The following TCF12 variants were observed in gnomAD, a reference collection of about 807,000 sequenced individuals.
The protein encoded by TCF12 is transcription factor 12.
A neutral mutation model predicts 86.0 loss-of-function variants in TCF12; 45 were observed. That is an observed-to-expected ratio of 0.52 (90% CI 0.41 to 0.67). The LOEUF is 0.67. Ranked by LOEUF, TCF12 falls within the 30% of genes least tolerant of loss-of-function variation. The pLI is 0.00. For missense variants in TCF12, 881 were observed against 859.9 expected, an observed-to-expected ratio of 1.02 and a Z score of -0.31; for synonymous variants, 330 against 299.6, an observed-to-expected ratio of 1.10 and a Z score of -1.05.
chr15:57,197,481 A>G (rs1288298589), intron 7 of TCF12, among the ~76,000 whole-genome samples: 2 of 152,156 alleles, frequency 1.3e-5, no homozygotes, highest in African/African-American at 4.8e-5. Flanking sequence ...AGAAATGTTC[A>G]TTCCCTTCCC....
intron 19 of TCF12, among the ~76,000 whole-genome samples, chr15:57,278,835 TTCTC>T (rs1186624702): frequency 6.6e-6 from 1 of 150,746 alleles, no homozygotes; most frequent in Non-Finnish European, 1.5e-5. Context: ...TTCTTTCTCT[TTCTC>T]TCTTTCCTCC....
intron 6 of TCF12, among the ~76,000 whole-genome samples, chr15:57,181,397 C>A (rs932402373): frequency 5.3e-5 from 8 of 151,346 alleles, no homozygotes; most frequent in Non-Finnish European, 8.8e-5. Context: ...GTTTATTTTC[C>A]CTTTTGAGAA....
chr15:56,918,422 T>C, upstream of TCF12: 1 of 356,266 alleles, frequency 2.8e-6, no homozygotes, highest in Admixed American at 3.5e-5. Context: ...GGGGCCTGCT[T>C]CTCGAGGTGC....
intron 13 of TCF12, chr15:57,247,334 C>T (rs182727236): frequency 1.7e-5 from 11 of 655,772 alleles, no homozygotes; most frequent in Non-Finnish European, 2.5e-5. Flanking sequence ...ATCAGAGTTT[C>T]CACCACAGCC....
intron 4 of TCF12, among the ~76,000 whole-genome samples, chr15:57,082,610 G>A (rs2151068797): frequency 6.6e-6 from 1 of 152,264 alleles, no homozygotes; most frequent in Admixed American, 6.5e-5. Flanking sequence ...TATCATTTGG[G>A]AAGTGTGTCA....
chr15:57,059,081 G>T (rs1348734226), intron 3 of TCF12, among the ~76,000 whole-genome samples: 1 of 152,190 alleles, frequency 6.6e-6, no homozygotes. Context: ...TCCCCCTACA[G>T]CAGATGGCAA....
intron 4 of TCF12, chr15:57,072,551 A>G: frequency 1.6e-6 from 1 of 614,364 alleles, no homozygotes. Context: ...TTATTTTTGA[A>G]GGGGAAAAAG....
Position 57,192,287 on chromosome 15 carries a change from G to C in TCF12, c.520G>C (p.Ala174Pro). 1 of 1,613,962 alleles carries C rather than the reference G, an allele frequency of 6.2e-7. No homozygotes were observed. Among genetic ancestry groups the C allele is most frequent in the East Asian group, 2.2e-5 (1 of 44,880 alleles). The part of the protein sequence containing the change: ...SRRRPLHDSA[A>P]LDPLQAKKVR... ...GAGGAGACCACTCCATGACTCTGCA[G>C]CGCTTGGTGAGTGTATCACACAACA... The change falls in exon 7 of 21, where the codon GCG (alanine) becomes CCG (proline). Residue 174 changes from alanine to proline, a missense_variant. By Grantham distance (27) the Ala-to-Pro change is conservative. Transcript: ENST00000333725.
chr15:57,072,709 A>G, intron 4 of TCF12: 1 of 1,305,846 alleles, frequency 7.7e-7, no homozygotes. Context: ...GGGTCAGAGA[A>G]TTAAAGTAAG....
Position 56,948,193 on chromosome 15 carries a change from C to G in TCF12, c.148+27095C>G, listed in dbSNP as rs148832266. On this transcript the variant is annotated intron_variant, in intron 3 of 20. Transcript: ENST00000333725. ...CTGGAATGCAGTGGCGTGATCATGG[C>G]TCACTGCAGCCTTGACCTCCTGGGC... Among the ~76,000 whole-genome samples, 486 of 151,960 alleles carry G rather than the reference C, an allele frequency of 3.2e-3. 1 individual carries two copies. Among genetic ancestry groups the G allele is most frequent in the African/African-American group, 0.011 (467 of 41,430 alleles).
intron 3 of TCF12, among the ~76,000 whole-genome samples, chr15:57,021,474 C>T (rs77188046): frequency 0.047 from 7,194 of 152,268 alleles, 492 homozygotes; most frequent in African/African-American, 0.15. Context: ...GCTTAGCATA[C>T]AGATGTGGGT....
At chr15:57,199,506 G>A (rs572314553) in intron 8 of TCF12, among the ~76,000 whole-genome samples, 2 of 152,306 alleles carry the variant, frequency 1.3e-5, no homozygotes, top group Admixed American at 1.3e-4. Context: ...AAGAAACAGT[G>A]TATGTTCAGT....
At chr15:57,271,329 C>T (rs2061132511) in intron 18 of TCF12, among the ~76,000 whole-genome samples, 1 of 152,184 alleles carries the variant, frequency 6.6e-6, no homozygotes, top group Non-Finnish European at 1.5e-5. Context: ...GTTAGGCATC[C>T]CAGGTCGATC....
chr15:57,043,245 A>G (rs979242053), intron 3 of TCF12, among the ~76,000 whole-genome samples: 1 of 152,308 alleles, frequency 6.6e-6, no homozygotes. Context: ...TTCAATAAAC[A>G]TGGGAATACA....
chr15:57,137,141 G>A (rs576660363), intron 5 of TCF12, among the ~76,000 whole-genome samples: 51 of 151,964 alleles, frequency 3.4e-4, no homozygotes, highest in Admixed American at 1.4e-3. Flanking sequence ...CACCATGCCC[G>A]GCTAATTTTT....
chr15:57,133,471 G>A (rs146567044), intron 5 of TCF12, among the ~76,000 whole-genome samples: 2 of 152,280 alleles, frequency 1.3e-5, no homozygotes, highest in East Asian at 3.9e-4. Flanking sequence ...CCCCTCCGAG[G>A]TCCTCAGGGT....
At chr15:57,151,847 T>C (rs148581207) in intron 5 of TCF12, among the ~76,000 whole-genome samples, 5 of 151,994 alleles carry the variant, frequency 3.3e-5, no homozygotes, top group African/African-American at 1.2e-4. Flanking sequence ...ACACAGTTTC[T>C]GTAAGTACTG....
intron 5 of TCF12, among the ~76,000 whole-genome samples, chr15:57,120,880 C>T (rs1203105282): frequency 6.6e-6 from 1 of 152,088 alleles, no homozygotes. Context: ...ACTCAGGATA[C>T]TGAGGTTGGA....
chr15:57,194,885 T>C (rs547924585), intron 7 of TCF12, among the ~76,000 whole-genome samples: 20 of 152,262 alleles, frequency 1.3e-4, no homozygotes, highest in Non-Finnish European at 2.4e-4. Context: ...TCTCTTTTTA[T>C]TCTATTCACT....
Sources: gnomAD v4.1 joint callset for allele counts (sites outside exome capture counted in the v4.1 genomes callset) on GRCh38, gnomAD v4.1.1 for gene constraint, MANE v1.5 for transcripts, NCBI Gene and HGNC (gene_info 2026-07-23, HGNC 2026-07-21) for gene names.